The following GARIN5B variants were observed in gnomAD, a reference collection of about 807,000 sequenced individuals.
GARIN5B encodes Golgi-associated RAB2 interactor protein 5B.
At chr19:55,360,223 G>A in the GARIN5B span, among the ~76,000 whole-genome samples, 1 of 134,064 alleles carries the variant, frequency 7.5e-6, no homozygotes, top group Non-Finnish European at 1.6e-5. Flanking sequence ...TCAGACTCAG[G>A]AGTCCAGGCC....
At chr19:55,358,429 G>C in the GARIN5B span, 1 of 1,511,936 alleles carries the variant, frequency 6.6e-7, no homozygotes, top group Non-Finnish European at 8.9e-7. Context: ...TAGGCGCCTG[G>C]GAGATTCCTT....
chr19:55,360,703 GA>G, the GARIN5B span: 1 of 1,551,588 alleles, frequency 6.4e-7, no homozygotes, highest in Non-Finnish European at 8.7e-7. Context: ...CTTTGGAGAG[GA>G]CTGTGTCTGG....
the GARIN5B span, chr19:55,360,788 TG>T: frequency 6.4e-7 from 1 of 1,551,636 alleles, no homozygotes; most frequent in East Asian, 2.4e-5. Flanking sequence ...GGGAGCCGTC[TG>T]AGCCCTTTGG....
the GARIN5B span, chr19:55,362,935 G>C: frequency 6.6e-7 from 1 of 1,504,626 alleles, no homozygotes; most frequent in South Asian, 1.3e-5. Context: ...AGTTACTCTC[G>C]AACATGGGCA....
At chr19:55,359,835 C>T in the GARIN5B span, 2 of 1,551,490 alleles carry the variant, frequency 1.3e-6, no homozygotes, top group Non-Finnish European at 1.7e-6. Context: ...ATGAGGTCTT[C>T]CGTGTCCTGA....
the GARIN5B span, chr19:55,361,444 T>G: frequency 6.7e-7 from 1 of 1,486,194 alleles, no homozygotes; most frequent in East Asian, 2.5e-5. Flanking sequence ...CCTGCAGAGA[T>G]AGAGGGAGGC....
At chr19:55,355,103 G>A in the GARIN5B span, 3 of 408,724 alleles carry the variant, frequency 7.3e-6, no homozygotes, top group Non-Finnish European at 1.4e-5. Context: ...GGCCTGTGGG[G>A]TTAAGAGGAA....
the GARIN5B span, among the ~76,000 whole-genome samples, chr19:55,356,777 C>T: frequency 1.8e-3 from 274 of 151,954 alleles, 1 homozygote; most frequent in East Asian, 0.024. Context: ...TGGCTGGGCA[C>T]GGTGGCTCAC....
chr19:55,362,189 T>G, the GARIN5B span: 1 of 1,453,458 alleles, frequency 6.9e-7, no homozygotes. Flanking sequence ...CCTCTGGATC[T>G]GGCCGGAGGG....
the GARIN5B span, chr19:55,362,177 C>T: frequency 6.9e-7 from 1 of 1,442,612 alleles, no homozygotes; most frequent in Non-Finnish European, 9.1e-7. Flanking sequence ...TGGTCGCAGT[C>T]CCCTCTGGAT....
At chr19:55,361,324 A>G in the GARIN5B span, 1 of 1,539,176 alleles carries the variant, frequency 6.5e-7, no homozygotes, top group Non-Finnish European at 8.8e-7. Context: ...GGCCCCACCA[A>G]GGAAGGGGGA....
the GARIN5B span, chr19:55,359,471 G>C: frequency 1.3e-6 from 2 of 1,546,784 alleles, no homozygotes; most frequent in Admixed American, 2.0e-5. Flanking sequence ...GGATGGAGCA[G>C]GTACGGCTGG....
chr19:55,362,795 T>C, the GARIN5B span: 1 of 1,491,060 alleles, frequency 6.7e-7, no homozygotes. Flanking sequence ...AGCCTGAGCC[T>C]CCCTCCTGAT....
At chr19:55,358,772 GT>G in the GARIN5B span, 1 of 1,549,460 alleles carries the variant, frequency 6.5e-7, no homozygotes, top group Admixed American at 2.0e-5. Flanking sequence ...CATGAGCTTG[GT>G]GAGGGTGAGC....
At chr19:55,358,137 C>A in the GARIN5B span, 1 of 1,463,910 alleles carries the variant, frequency 6.8e-7, no homozygotes, top group African/African-American at 1.4e-5. Flanking sequence ...GCTGCTAACC[C>A]CCGCTACCTG....
chr19:55,355,039 C>A, the GARIN5B span: 7 of 300,436 alleles, frequency 2.3e-5, no homozygotes, highest in South Asian at 2.1e-4. Flanking sequence ...GCAAATCCCC[C>A]CAAGCGGCTT....
At chr19:55,355,439 G>T in the GARIN5B span, 1 of 1,319,774 alleles carries the variant, frequency 7.6e-7, no homozygotes, top group Non-Finnish European at 1.1e-6. Context: ...GCCTGGCTTA[G>T]GAGAGCGTCC....
the GARIN5B span, chr19:55,359,612 G>A: frequency 1.3e-6 from 2 of 1,551,484 alleles, no homozygotes; most frequent in Non-Finnish European, 8.7e-7. Context: ...GAGCTTCTGG[G>A]ACTGGTCAAC....
At chr19:55,362,609 C>T in the GARIN5B span, 5 of 1,547,014 alleles carry the variant, frequency 3.2e-6, no homozygotes, top group Non-Finnish European at 3.5e-6. Flanking sequence ...CAGTCCCTGT[C>T]CTCGGCGGGC....
Sources: gnomAD v4.1 joint callset for allele counts (sites outside exome capture counted in the v4.1 genomes callset) on GRCh38, gnomAD v4.1.1 for gene constraint, MANE v1.5 for transcripts, NCBI Gene and HGNC (gene_info 2026-07-23, HGNC 2026-07-21) for gene names.